The following SNX4 variants were observed in gnomAD, a reference collection of about 807,000 sequenced individuals.
SNX4 encodes the protein sorting nexin 4.
Under a neutral mutation model 70.8 loss-of-function variants are expected in SNX4, and 49 were observed. The ratio of observed to expected loss-of-function variants is 0.69; its 90% CI spans 0.55 to 0.88. The LOEUF is 0.88. Ranked by LOEUF, SNX4 falls within the 40% of genes least tolerant of loss-of-function variation. The pLI is 0.00. For missense variants in SNX4, 528 were observed against 544.8 expected (o/e 0.97, Z 0.31); for synonymous variants, 206 against 183.8 (o/e 1.12, Z -0.98).
At chr3:125,492,032 C>G (rs1008958283) in intron 5 of SNX4, among the ~76,000 whole-genome samples, 1 of 145,472 alleles carries the variant, frequency 6.9e-6, no homozygotes, top group Non-Finnish European at 1.5e-5. Flanking sequence ...CGCTTGAACC[C>G]GTGAGGCAGA....
intron 6 of SNX4, among the ~76,000 whole-genome samples, chr3:125,485,272 T>C (rs1342788609): frequency 6.6e-6 from 1 of 151,940 alleles, no homozygotes; most frequent in African/African-American, 2.4e-5. Flanking sequence ...AAAACACAGC[T>C]TGGGGTATAA....
At chr3:125,518,577 T>G (rs910481778) in intron 1 of SNX4, among the ~76,000 whole-genome samples, 11 of 152,166 alleles carry the variant, frequency 7.2e-5, no homozygotes, top group Admixed American at 7.2e-4. Flanking sequence ...GTCTCTAAAC[T>G]TAAAAGTCTT....
intron 1 of SNX4, among the ~76,000 whole-genome samples, chr3:125,517,398 G>A (rs1384307836): frequency 2.6e-5 from 4 of 152,152 alleles, no homozygotes; most frequent in African/African-American, 7.2e-5. Context: ...TACTTTTCTG[G>A]TGAGACCAAA....
chr3:125,504,024 C>T (rs1934987132), intron 2 of SNX4, among the ~76,000 whole-genome samples: 1 of 151,790 alleles, frequency 6.6e-6, no homozygotes, highest in South Asian at 2.1e-4. Flanking sequence ...GAGTGAGACC[C>T]CATCTCTACA....
At chr3:125,506,352 T>A (rs1486789369) in intron 1 of SNX4, among the ~76,000 whole-genome samples, 2 of 151,352 alleles carry the variant, frequency 1.3e-5, no homozygotes, top group African/African-American at 4.9e-5. Context: ...TTCTTTTTTT[T>A]TTTTTTTAGA....
chr3:125,452,281 A>G (rs1933595640), intron 12 of SNX4, among the ~76,000 whole-genome samples: 1 of 151,938 alleles, frequency 6.6e-6, no homozygotes, highest in African/African-American at 2.4e-5. Flanking sequence ...TTTTTAGTAG[A>G]GACAAGGTTT....
At chr3:125,457,475 G>C (rs1236192007) in intron 10 of SNX4, 110 bp from the exon 11 acceptor site, 1 of 702,642 alleles carries the variant, frequency 1.4e-6, no homozygotes, top group Non-Finnish European at 2.4e-6. Context: ...CAGAATGTGT[G>C]TGCCCAGAAT....
At chr3:125,464,789 T>C (rs925481960) in intron 9 of SNX4, among the ~76,000 whole-genome samples, 1 of 151,780 alleles carries the variant, frequency 6.6e-6, no homozygotes, top group African/African-American at 2.4e-5. Flanking sequence ...GTCACCCAGG[T>C]TGGAGTGCAG....
In SNX4 at chr3:125,462,293, T is replaced by C. The variant is rs527492373; in HGVS notation, c.855-1433A>G. On this transcript the variant is annotated intron_variant, in intron 9 of 13. Transcript: ENST00000251775. ...ACAATGTGCCAATTGATAGGCTGAC[T>C]GTGACAAATCTAGTGACAAGAGAAA... is the stretch of plus-strand genomic sequence containing the variant. Among the ~76,000 whole-genome samples, 8 of 152,288 alleles carry C rather than the reference T, an allele frequency of 5.3e-5. No homozygotes were observed. The South Asian group carries it at 1.7e-3, about 32-fold the overall frequency.
At chr3:125,450,748 T>C (rs16836826) in intron 13 of SNX4, among the ~76,000 whole-genome samples, 3,536 of 152,322 alleles carry the variant, frequency 0.023, 127 homozygotes, top group African/African-American at 0.077. Flanking sequence ...GCAACACAAA[T>C]GATTTACTTT....
intron 9 of SNX4, among the ~76,000 whole-genome samples, 180 bp from the exon 10 acceptor site, chr3:125,461,040 A>C (rs566962431): frequency 1.3e-5 from 2 of 152,174 alleles, no homozygotes; most frequent in Non-Finnish European, 2.9e-5. Flanking sequence ...AGCCTGGCCA[A>C]CGTGGTGAAA....
chr3:125,507,191 G>GAAA (rs753584700), intron 1 of SNX4, among the ~76,000 whole-genome samples: 13 of 90,778 alleles, frequency 1.4e-4, no homozygotes, highest in Admixed American at 2.5e-4. Context: ...CTGGGTGATA[G>GAAA]AAAAAAAAAA....
chr3:125,447,899 GTACA>G, intron 13 of SNX4, 73 bp from the exon 14 acceptor site: 2 of 904,916 alleles, frequency 2.2e-6, no homozygotes, highest in Non-Finnish European at 3.4e-6. Context: ...TGGCTTAGTG[GTACA>G]CTAAGTTTTG....
intron 12 of SNX4, among the ~76,000 whole-genome samples, chr3:125,453,496 TTTTATTTA>T (rs10543977): frequency 0.23 from 28,433 of 121,592 alleles, 3,952 homozygotes; most frequent in African/African-American, 0.46. Context: ...TTTCTTTTAT[TTTTATTTA>T]TTTATTTATT....
chr3:125,470,422 C>G (rs1465481707), intron 8 of SNX4, among the ~76,000 whole-genome samples: 1 of 150,212 alleles, frequency 6.7e-6, no homozygotes, highest in Non-Finnish European at 1.5e-5. Flanking sequence ...TCCAACATAT[C>G]ATAAAAAATA....
chr3:125,496,990 GA>G (rs1934806007), intron 5 of SNX4, among the ~76,000 whole-genome samples: 1 of 143,776 alleles, frequency 7.0e-6, no homozygotes, highest in Admixed American at 7.1e-5. Context: ...CAGGACAGAA[GA>G]AAAAAAGAGG....
intron 1 of SNX4, among the ~76,000 whole-genome samples, chr3:125,506,978 G>T (rs1171641812): frequency 6.6e-6 from 1 of 151,096 alleles, no homozygotes; most frequent in Non-Finnish European, 1.5e-5. Context: ...GAGGCGGGCA[G>T]GTCACCTGAG....
rs964137442 is a variant in SNX4, at chr3:125,447,164, C to T, written c.*615G>A. ...CCATTATAGATCTGAGAAGTTGAGTCTTCTTTGTTGGCAGTATAAAATTTC... is the reference window on the plus strand; with the variant it reads ...CCATTATAGATCTGAGAAGTTGAGTTTTCTTTGTTGGCAGTATAAAATTTC... On this transcript the variant is annotated 3_prime_UTR_variant, in exon 14 of 14. Transcript: ENST00000251775. 1 of 152,586 alleles carries T rather than the reference C, an allele frequency of 6.6e-6. No homozygotes were observed. Among genetic ancestry groups the T allele is most frequent in the African/African-American group, 2.4e-5 (1 of 41,446 alleles). The allele number at this position is 152,586 out of a possible 1,614,324, so 9.5% of individuals were successfully genotyped here.
rs2107836288 is a variant in SNX4 at position 125,447,713 on chromosome 3, T to C, written c.*66A>G. The C allele has an allele frequency of 5.1e-6, 6 of 1,171,062 alleles. No homozygotes were observed. The highest frequency in any genetic ancestry group is 7.4e-6 in the Non-Finnish European group (6 of 807,152). The allele number at this position is 1,171,062 out of a possible 1,614,324, so 72.5% of individuals were successfully genotyped here. A position where few individuals can be genotyped will look rare whatever the true frequency, so the allele number is the denominator to read the frequency against. On this transcript the variant is annotated 3_prime_UTR_variant, in exon 14 of 14. Coordinates refer to ENST00000251775, the MANE Select transcript of SNX4 (RefSeq NM_003794.4). ...TATGTATACTAGGTAGTGACTTAAA[T>C]TTCTTTTATTTACTTGTGCTTCTGT...
Sources: gnomAD v4.1 joint callset for allele counts (sites outside exome capture counted in the v4.1 genomes callset) on GRCh38, gnomAD v4.1.1 for gene constraint, MANE v1.5 for transcripts, NCBI Gene and HGNC (gene_info 2026-07-23, HGNC 2026-07-21) for gene names.